DGKB: variants seen among roughly 807,000 people sequenced by gnomAD.
DGKB encodes diacylglycerol kinase beta, also known as 90 kDa diacylglycerol kinase.
In DGKB, 67 loss-of-function variants were observed where a neutral mutation model predicts 114.3. The observed-to-expected ratio is 0.59, with a 90% CI of 0.48 to 0.72. The LOEUF is 0.72. Among genes scored for constraint, DGKB ranks in the 30% least tolerant of loss-of-function variants. The pLI, the probability that DGKB is intolerant of heterozygous loss-of-function variation, is 0.00. For synonymous variants in DGKB, 398 were observed against 323.1 expected, an observed-to-expected ratio of 1.23 and a Z score of -2.49; for missense variants, 907 against 975.2, an observed-to-expected ratio of 0.93 and a Z score of 0.93.
chr7:14,304,266 C>T (rs1438806030), intron 23 of DGKB, among the ~76,000 whole-genome samples: 1 of 151,674 alleles, frequency 6.6e-6, no homozygotes, highest in Non-Finnish European at 1.5e-5. Context: ...TTTTTGAGAT[C>T]CACCTAGGCT....
chr7:14,667,925 T>C (rs898294873), intron 13 of DGKB, among the ~76,000 whole-genome samples: 2 of 152,066 alleles, frequency 1.3e-5, no homozygotes, highest in Non-Finnish European at 1.5e-5. Flanking sequence ...CCGAAGGGCT[T>C]GACACAACAA....
chr7:14,533,746 T>C (rs1215471795), intron 20 of DGKB, among the ~76,000 whole-genome samples: 2 of 151,946 alleles, frequency 1.3e-5, no homozygotes, highest in Non-Finnish European at 2.9e-5. Context: ...AATGTTTCAG[T>C]CCAGGAGCGG....
intron 21 of DGKB, among the ~76,000 whole-genome samples, chr7:14,346,350 A>T (rs543017636): frequency 6.6e-6 from 1 of 151,954 alleles, no homozygotes; most frequent in Non-Finnish European, 1.5e-5. Flanking sequence ...GTTAAATCCA[A>T]TAGAGTGCTT....
Position 14,250,010 on chromosome 7 carries a change from A to C in DGKB, c.2123-71859T>G, listed in dbSNP as rs1327586434. Among the ~76,000 whole-genome samples, 6 of 151,688 alleles carry C rather than the reference A, an allele frequency of 4.0e-5. No homozygotes were observed. In the South Asian group the frequency reaches 1.2e-3, roughly 31 times the overall value. ...TGTTACATTACCCAGGCTGGAGTGC[A>C]GTCGTGCAATCATGGGTCACTACAG... On this transcript the variant is annotated intron_variant, in intron 23 of 25. Transcript: ENST00000402815.
At chr7:14,502,115 G>A (rs1422338510) in intron 20 of DGKB, among the ~76,000 whole-genome samples, 5 of 151,830 alleles carry the variant, frequency 3.3e-5, no homozygotes, top group Admixed American at 2.6e-4. Context: ...TTAATGTCTT[G>A]GATGTGGGCT....
chr7:14,554,658 G>A (rs1484286402), intron 20 of DGKB, among the ~76,000 whole-genome samples: 2 of 152,004 alleles, frequency 1.3e-5, no homozygotes, highest in African/African-American at 4.8e-5. Context: ...ACATCATCAT[G>A]TCAATAAGTA....
intron 23 of DGKB, among the ~76,000 whole-genome samples, chr7:14,240,046 T>C (rs1482387631): frequency 1.3e-5 from 2 of 152,076 alleles, no homozygotes; most frequent in Admixed American, 1.3e-4. Context: ...TAGAAAATAA[T>C]GGAAAGAAAC....
intron 18 of DGKB, among the ~76,000 whole-genome samples, chr7:14,582,025 T>C (rs1800006477): frequency 3.9e-5 from 6 of 152,218 alleles, no homozygotes; most frequent in Admixed American, 3.9e-4. Flanking sequence ...TGCCAACATG[T>C]ATTTTTCTTA....
chr7:14,285,046 T>A (rs1010338895), intron 23 of DGKB, among the ~76,000 whole-genome samples: 1 of 151,672 alleles, frequency 6.6e-6, no homozygotes, highest in African/African-American at 2.4e-5. Context: ...AAAAAAGAAA[T>A]GTATTGGAAA....
At chr7:14,210,858 T>A (rs528724955) in intron 23 of DGKB, among the ~76,000 whole-genome samples, 1 of 152,176 alleles carries the variant, frequency 6.6e-6, no homozygotes, top group South Asian at 2.1e-4. Flanking sequence ...ACCTCTGTCT[T>A]TGACTTTATA....
intron 25 of DGKB, among the ~76,000 whole-genome samples, chr7:14,170,899 G>A (rs925221857): frequency 2.6e-5 from 4 of 152,174 alleles, no homozygotes; most frequent in African/African-American, 9.7e-5. Flanking sequence ...AGCAGTCAGT[G>A]TCCAAGTCAA....
chr7:14,714,505 A>T (rs923088948), intron 6 of DGKB, among the ~76,000 whole-genome samples: 11 of 152,134 alleles, frequency 7.2e-5, no homozygotes, highest in African/African-American at 2.4e-4. Context: ...TCTGAATCAG[A>T]AGAGAAACAG....
At chr7:14,289,760 A>G (rs1801451464) in intron 23 of DGKB, among the ~76,000 whole-genome samples, 1 of 151,214 alleles carries the variant, frequency 6.6e-6, no homozygotes, top group Non-Finnish European at 1.5e-5. Flanking sequence ...AAAAAAAAAA[A>G]AAACACAAAA....
intron 17 of DGKB, among the ~76,000 whole-genome samples, chr7:14,605,527 C>A (rs993831699): frequency 1.3e-5 from 2 of 151,232 alleles, no homozygotes; most frequent in African/African-American, 4.9e-5. Context: ...CAAAGTGGGA[C>A]CTTTAAATTT....
intron 23 of DGKB, among the ~76,000 whole-genome samples, chr7:14,233,843 C>G (rs1040586031): frequency 1.3e-5 from 2 of 152,016 alleles, no homozygotes; most frequent in African/African-American, 4.8e-5. Flanking sequence ...CCACTCCACA[C>G]CTACTCCCCA....
At position 14,877,966 on chromosome 7, in the gene DGKB, A is replaced by C. The variant is rs371494906; in HGVS notation, c.-188+24626T>G. Among the ~76,000 whole-genome samples the C allele has an allele frequency of 3.3e-4, 51 of 152,258 alleles. No individual in the cohort carries two copies. The East Asian group carries it at 6.0e-3, about 18-fold the overall frequency. ...TTTTTATGTATTTGTTCAAATAAAG[A>C]ATCTCTATTTGTGACAATAATTCTT... On this transcript the variant is annotated intron_variant, in intron 1 of 25. Coordinates refer to ENST00000402815, the MANE Select transcript of DGKB (RefSeq NM_001350709.2).
chr7:14,952,757 T>C (rs1451012477), intron 1 of DGKB, among the ~76,000 whole-genome samples: 2 of 151,916 alleles, frequency 1.3e-5, no homozygotes, highest in East Asian at 3.9e-4. Flanking sequence ...AGACTCTGTC[T>C]CAAAATCAAC....
chr7:14,887,795 A>G (rs1780549994), intron 1 of DGKB, among the ~76,000 whole-genome samples: 1 of 151,800 alleles, frequency 6.6e-6, no homozygotes, highest in South Asian at 2.1e-4. Context: ...CTCCAAGAAA[A>G]TGAAAATTTT....
chr7:14,630,052 C>G (rs1458787770), intron 14 of DGKB, among the ~76,000 whole-genome samples, 184 bp downstream of exon 14: 1 of 151,928 alleles, frequency 6.6e-6, no homozygotes, highest in Non-Finnish European at 1.5e-5. Context: ...GAAAATTCTT[C>G]AAGTCTATCC....
Sources: allele counts gnomAD v4.1 joint callset (sites outside exome capture counted in the v4.1 genomes callset), GRCh38; gene constraint gnomAD v4.1.1; transcripts MANE v1.5; gene names NCBI Gene and HGNC (gene_info 2026-07-23, HGNC 2026-07-21).